AMTN: variants seen among roughly 807,000 people sequenced by gnomAD.
The protein encoded by AMTN is amelotin, also known as RSTI689.
In AMTN, 29 loss-of-function variants were observed where a neutral mutation model predicts 27.4. The observed-to-expected ratio is 1.06, with a 90% confidence interval of 0.79 to 1.44. The LOEUF (loss-of-function observed/expected upper bound fraction) is 1.44, where lower values mean the gene tolerates loss of function less well. Among genes scored for constraint, AMTN ranks in the 40% most tolerant of loss-of-function variants. The pLI is 0.00. For missense variants in AMTN, 247 were observed against 248.8 expected (o/e 0.99, Z 0.05); for synonymous variants, 86 against 95.7 (o/e 0.90, Z 0.59).
intron 5 of AMTN, among the ~76,000 whole-genome samples, chr4:70,526,608 A>G (rs1210156099): frequency 6.6e-6 from 1 of 152,214 alleles, no homozygotes; most frequent in African/African-American, 2.4e-5. Flanking sequence ...GAGACTCTCC[A>G]TAACAGGTGA....
At chr4:70,518,722 A>G in intron 1 of AMTN, 41 bp from the exon 2 acceptor site, 1 of 1,375,614 alleles carries the variant, frequency 7.3e-7, no homozygotes, top group Non-Finnish European at 1.0e-6. Context: ...CTTAAAAGGA[A>G]AAAAAATACA....
In AMTN at chr4:70,529,186, C is replaced by A. The variant is rs892692808; in HGVS notation, c.333C>A (p.Gly111=). The stretch of plus-strand genomic sequence containing the variant: ...TGTGTTTGTCATTTTGCTTTTAGGG[C>A]ACTATCCTAAGCTCAGAGGAATTGG... The part of the protein sequence containing the change: ...PIFVTQLGAQ[G]TILSSEELPQ... The change falls in exon 7 of 9, where the codon GGC becomes GGA. Residue 111 remains glycine, a splice_region_variant and synonymous_variant. Transcript: ENST00000339336. 2 of 1,557,354 alleles carry A rather than the reference C, an allele frequency of 1.3e-6. No homozygotes were observed. The highest frequency in any genetic ancestry group is 1.7e-6 in the Non-Finnish European group (2 of 1,157,534).
chr4:70,521,411 A>C (rs1735963567), intron 2 of AMTN, among the ~76,000 whole-genome samples: 1 of 113,130 alleles, frequency 8.8e-6, no homozygotes, highest in Admixed American at 1.0e-4. Context: ...GAAAAGAAAG[A>C]AAAGAAAAAA....
At position 70,524,976 on chromosome 4, in the gene AMTN, T is replaced by C. The variant is rs777869585; in HGVS notation, c.294+15T>C. On this transcript the variant is annotated intron_variant, in intron 5 of 8. Transcript: ENST00000339336. The stretch of plus-strand genomic sequence containing the variant: ...TGCACCCACATGTAAGTTGAACAGC[T>C]GGACCTTAGTTTTAACATTAGAGAG... 1 of 1,609,676 alleles carries C rather than the reference T, an allele frequency of 6.2e-7. No individual in the cohort carries two copies. Among genetic ancestry groups the C allele is most frequent in the Non-Finnish European group, 8.5e-7 (1 of 1,176,550 alleles).
At chr4:70,520,753 A>T (rs769615250) in intron 2 of AMTN, among the ~76,000 whole-genome samples, 7 of 152,170 alleles carry the variant, frequency 4.6e-5, no homozygotes, top group Non-Finnish European at 7.4e-5. Context: ...GCAGGGTGAG[A>T]TGGAGCAGGC....
rs1560573313 is a variant in AMTN at position 70,524,958 on chromosome 4, A to G, written c.291A>G (p.Pro97=). 1.5e-5 allele frequency: 24 copies of G among 1,613,724 alleles called. No individual in the cohort carries two copies. The highest frequency in any genetic ancestry group is 1.6e-5 in the Non-Finnish European group (19 of 1,179,684). The change falls in exon 5 of 9, where the codon CCA becomes CCG. Residue 97 remains proline, a synonymous_variant. Coordinates refer to ENST00000339336, the MANE Select transcript of AMTN (RefSeq NM_212557.4). ...TGAATGTACAACAGCAACTGCACCCACATGTAAGTTGAACAGCTGGACCTT... is the reference window on the plus strand; with the variant it reads ...TGAATGTACAACAGCAACTGCACCCGCATGTAAGTTGAACAGCTGGACCTT... The part of the protein sequence containing the change: ...GGLNVQQQLH[P]HVLPIFVTQL...
chr4:70,524,492 T>G (rs955795331), intron 4 of AMTN, among the ~76,000 whole-genome samples: 1 of 152,226 alleles, frequency 6.6e-6, no homozygotes, highest in African/African-American at 2.4e-5. Context: ...CTCATAATTT[T>G]CACGCATAAC....
At position 70,523,858 on chromosome 4, in the gene AMTN, TC is replaced by T; in HGVS notation, c.139-6del. 1 of 1,612,822 alleles carries T rather than the reference TC, an allele frequency of 6.2e-7. No individual in the cohort carries two copies. Among genetic ancestry groups the T allele is most frequent in the Non-Finnish European group, 8.5e-7 (1 of 1,179,002 alleles). On this transcript the variant is annotated splice_polypyrimidine_tract_variant and intron_variant, in intron 3 of 8. Coordinates refer to ENST00000339336, the MANE Select transcript of AMTN (RefSeq NM_212557.4). The stretch of plus-strand genomic sequence containing the variant: ...CTCTTGTCTCATACATCACTTTCAA[TC>T]CCCTGCAGGTCTTTCCTTCTTTAAG...
chr4:70,525,488 A>T (rs1461424353), intron 5 of AMTN, among the ~76,000 whole-genome samples: 2 of 152,210 alleles, frequency 1.3e-5, no homozygotes, highest in African/African-American at 4.8e-5. Flanking sequence ...AAATCCTCTT[A>T]CACTAAGATA....
intron 5 of AMTN, among the ~76,000 whole-genome samples, chr4:70,525,790 C>G (rs535650724): frequency 6.6e-6 from 1 of 151,972 alleles, no homozygotes; most frequent in Non-Finnish European, 1.5e-5. Flanking sequence ...GTCCCAAGTA[C>G]TCGGGAGGCT....
intron 2 of AMTN, among the ~76,000 whole-genome samples, chr4:70,520,285 T>C (rs1322988767): frequency 6.6e-6 from 1 of 152,206 alleles, no homozygotes; most frequent in Non-Finnish European, 1.5e-5. Flanking sequence ...CTATTCAGTA[T>C]GGAAACAATA....
chr4:70,529,182 AG>A lies in AMTN; in HGVS notation c.332del. The A allele has an allele frequency of 6.4e-7, 1 of 1,559,836 alleles. No individual in the cohort carries two copies. The highest frequency in any genetic ancestry group is 8.6e-7 in the Non-Finnish European group (1 of 1,158,750). ...AAATTGTGTTTGTCATTTTGCTTTT[AG>A]GGCACTATCCTAAGCTCAGAGGAAT... On this transcript the variant is annotated splice_acceptor_variant, in intron 6 of 8. Transcript: ENST00000339336. LOFTEE classifies it high-confidence loss of function.
chr4:70,532,492 T>C lies in AMTN; in HGVS notation c.*27T>C. 2.5e-6 allele frequency: 4 copies of C among 1,605,558 alleles called. No individual in the cohort carries two copies. Among genetic ancestry groups the C allele is most frequent in the Non-Finnish European group, 3.4e-6 (4 of 1,174,342 alleles). On this transcript the variant is annotated 3_prime_UTR_variant, in exon 9 of 9. Transcript: ENST00000339336. ...CTGTTTCAAATTTTTTCAACTAAGC[T>C]GCCTCGAATTTGGTGATACATGTGA...
At position 70,532,611 on chromosome 4, in the gene AMTN, A is replaced by G; in HGVS notation, c.*146A>G. On this transcript the variant is annotated 3_prime_UTR_variant, in exon 9 of 9. Coordinates refer to ENST00000339336, the MANE Select transcript of AMTN (RefSeq NM_212557.4). ...TTAATTTACCTGAAAATATTCTTGA[A>G]ATTTCAGAAAATATGTTCTATGTAG... 1.4e-6 allele frequency: 1 copy of G among 718,672 alleles called. No individual in the cohort carries two copies. The highest frequency in any genetic ancestry group is 2.3e-5 in the South Asian group (1 of 44,076). The allele number at this position is 718,672 out of a possible 1,614,324, so 44.5% of individuals were successfully genotyped here. A position where few individuals can be genotyped will look rare whatever the true frequency, so the allele number is the denominator to read the frequency against.
At position 70,524,077 on chromosome 4, in the gene AMTN, G is replaced by C. The variant is rs148956964; in HGVS notation, c.204+144G>C. ...TTATTCACATAGATAAGTTGAAAGAGAGGAGAGAAGAGTCCAAGAGAGTTG... is the reference window on the plus strand; with the variant it reads ...TTATTCACATAGATAAGTTGAAAGACAGGAGAGAAGAGTCCAAGAGAGTTG... On this transcript the variant is annotated intron_variant, in intron 4 of 8. Transcript: ENST00000339336. 3.8e-4 allele frequency: 230 copies of C among 612,478 alleles called. 3 individuals are homozygous for C. Among genetic ancestry groups the C allele is most frequent in the African/African-American group, 3.5e-3 (187 of 54,144 alleles). 37.9% of individuals were successfully genotyped at this position (612,478 alleles called of 1,614,324 possible).
At chr4:70,528,177 A>G (rs184101114) in intron 5 of AMTN, among the ~76,000 whole-genome samples, 2 of 152,226 alleles carry the variant, frequency 1.3e-5, no homozygotes, top group Admixed American at 6.5e-5. Flanking sequence ...TATCCAGTTT[A>G]CTAACTTCTA....
intron 2 of AMTN, among the ~76,000 whole-genome samples, chr4:70,519,844 CG>C (rs1391222510): frequency 6.6e-6 from 1 of 151,050 alleles, no homozygotes; most frequent in African/African-American, 2.4e-5. Context: ...TGGGATTATG[CG>C]GGGGGAGGAT....
In AMTN at chr4:70,524,853, C is replaced by G; in HGVS notation, c.205-19C>G. On this transcript the variant is annotated intron_variant, in intron 4 of 8. Transcript: ENST00000339336. ...AACTGAAAAAAAATACAATGAAAGT[C>G]TTCTTCCTTGCCCTACAGTTAAATC... 6.2e-7 allele frequency: 1 copy of G among 1,609,768 alleles called. No homozygotes were observed. Among genetic ancestry groups the G allele is most frequent in the South Asian group, 1.1e-5 (1 of 90,912 alleles).
chr4:70,522,813 T>C lies in AMTN; in HGVS notation c.113T>C (p.Leu38Pro). The change falls in exon 3 of 9, where the codon CTA becomes CCA. Residue 38 changes from leucine (L) to proline (P), a missense_variant. Transcript: ENST00000339336. ...PTKLAPDQGTLPNQQQSNQVF... is the reference protein window; with the variant it reads ...PTKLAPDQGTPPNQQQSNQVF... ...AAACTGGCTCCGGATCAGGGAACAC[T>C]ACCAAACCAACAGCAGTCAAATCAG... The C allele has an allele frequency of 1.2e-6, 2 of 1,613,740 alleles. No individual in the cohort carries two copies. The highest frequency in any genetic ancestry group is 2.2e-5 in the South Asian group (2 of 91,040).
Sources: allele counts gnomAD v4.1 joint callset (sites outside exome capture counted in the v4.1 genomes callset), GRCh38; gene constraint gnomAD v4.1.1; transcripts MANE v1.5; gene names NCBI Gene and HGNC (gene_info 2026-07-23, HGNC 2026-07-21).